Variants in CTNNA2 observed in about 807,000 individuals in gnomAD.
CTNNA2 encodes catenin alpha 2, also known as catenin alpha-2.
In CTNNA2, 42 loss-of-function variants were observed where a neutral mutation model predicts 101.0. The ratio of observed to expected loss-of-function variants is 0.42; its 90% confidence interval spans 0.32 to 0.54. CTNNA2 has a LOEUF of 0.54. Among genes scored for constraint, CTNNA2 ranks in the 20% least tolerant of loss-of-function variants. The pLI, the probability that CTNNA2 is intolerant of heterozygous loss-of-function variation, is 0.14. For missense variants in CTNNA2, 871 were observed against 1,223.1 expected, an observed-to-expected ratio of 0.71 and a Z score of 4.29; for synonymous variants, 450 against 456.4, an observed-to-expected ratio of 0.99 and a Z score of 0.18.
intron 2 of CTNNA2, among the ~76,000 whole-genome samples, chr2:79,280,953 A>G (rs1675362174): frequency 6.6e-6 from 1 of 151,936 alleles, no homozygotes; most frequent in Non-Finnish European, 1.5e-5. Context: ...TGCACTCTAC[A>G]TCTCCCCTGC....
intron 3 of CTNNA2, among the ~76,000 whole-genome samples, chr2:79,757,957 G>A (rs571018222): frequency 1.3e-5 from 2 of 152,252 alleles, no homozygotes; most frequent in Admixed American, 6.5e-5. Context: ...TATTGCTAAC[G>A]TCATTGTTAT....
chr2:79,702,656 A>T (rs1685089831), intron 2 of CTNNA2, among the ~76,000 whole-genome samples: 1 of 152,190 alleles, frequency 6.6e-6, no homozygotes, highest in East Asian at 1.9e-4. Context: ...ATTTTCTTGT[A>T]CTAGGTTCCT....
At chr2:79,602,924 G>A (rs1221395873) in intron 1 of CTNNA2, among the ~76,000 whole-genome samples, 1 of 152,112 alleles carries the variant, frequency 6.6e-6, no homozygotes. Context: ...AGTAAAAAGA[G>A]GAACAGATTT....
chr2:80,322,817 T>A (rs1678846141), intron 7 of CTNNA2, among the ~76,000 whole-genome samples: 1 of 152,162 alleles, frequency 6.6e-6, no homozygotes, highest in South Asian at 2.1e-4. Flanking sequence ...AACCAGGGGC[T>A]GCCTCGGCAT....
At chr2:79,739,436 A>G (rs1671125558) in intron 2 of CTNNA2, among the ~76,000 whole-genome samples, 1 of 152,134 alleles carries the variant, frequency 6.6e-6, no homozygotes, top group Non-Finnish European at 1.5e-5. Flanking sequence ...CATAGGGCCC[A>G]TGTTCTAGTA....
At chr2:79,871,821 C>A (rs776383856) in intron 5 of CTNNA2, among the ~76,000 whole-genome samples, 26 of 152,162 alleles carry the variant, frequency 1.7e-4, no homozygotes, top group Admixed American at 5.2e-4. Flanking sequence ...AGAAGTGTTG[C>A]CTGGAGATGG....
At chr2:79,382,309 G>C (rs1426379807) in intron 4 of CTNNA2, among the ~76,000 whole-genome samples, 2 of 151,980 alleles carry the variant, frequency 1.3e-5, no homozygotes, top group Non-Finnish European at 2.9e-5. Flanking sequence ...TTAGCTTGTA[G>C]ACATTAGATC....
At chr2:79,795,624 A>G (rs1031207218) in intron 3 of CTNNA2, among the ~76,000 whole-genome samples, 10 of 152,174 alleles carry the variant, frequency 6.6e-5, no homozygotes, top group African/African-American at 2.4e-4. Context: ...GGACTGTATC[A>G]TGTTTTATAC....
intron 1 of CTNNA2, among the ~76,000 whole-genome samples, chr2:79,528,502 T>C (rs1402134634): frequency 1.3e-5 from 2 of 152,130 alleles, no homozygotes; most frequent in African/African-American, 4.8e-5. Context: ...ATACTGTTTG[T>C]GCATATACTA....
intron 2 of CTNNA2, among the ~76,000 whole-genome samples, chr2:79,276,144 T>G (rs1359623866): frequency 6.6e-6 from 1 of 152,018 alleles, no homozygotes; most frequent in Non-Finnish European, 1.5e-5. Flanking sequence ...AGAAAGAAGG[T>G]CACAGAAGTA....
intron 14 of CTNNA2, among the ~76,000 whole-genome samples, chr2:80,583,552 T>C (rs1232785568): frequency 6.6e-6 from 1 of 152,162 alleles, no homozygotes; most frequent in Non-Finnish European, 1.5e-5. Flanking sequence ...CATGAAGCAA[T>C]TCAAAGTCAA....
intron 15 of CTNNA2, among the ~76,000 whole-genome samples, chr2:80,602,556 T>G (rs1357859320): frequency 1.3e-5 from 2 of 152,102 alleles, no homozygotes; most frequent in Non-Finnish European, 2.9e-5. Context: ...GTCTAGAAGT[T>G]ACAAAGAAAT....
chr2:80,300,580 C>G (rs1676192772), intron 7 of CTNNA2, among the ~76,000 whole-genome samples: 1 of 151,794 alleles, frequency 6.6e-6, no homozygotes, highest in Admixed American at 6.6e-5. Context: ...GTGTGTGGTT[C>G]CCCATCCCCC....
chr2:79,509,110 A>C (rs560498033), upstream of CTNNA2, among the ~76,000 whole-genome samples: 1 of 151,522 alleles, frequency 6.6e-6, no homozygotes, highest in South Asian at 2.1e-4. Context: ...AAAACAAGTT[A>C]TTTTAATTTT....
At chr2:79,732,340 T>C (rs923640792) in intron 2 of CTNNA2, among the ~76,000 whole-genome samples, 4 of 151,982 alleles carry the variant, frequency 2.6e-5, no homozygotes, top group Non-Finnish European at 5.9e-5. Context: ...CGATTTAAAA[T>C]TTTTTCATAT....
At chr2:79,987,918 A>G (rs1691878713) in intron 7 of CTNNA2, among the ~76,000 whole-genome samples, 1 of 152,260 alleles carries the variant, frequency 6.6e-6, no homozygotes, top group Non-Finnish European at 1.5e-5. Flanking sequence ...CCTAAAATAT[A>G]TCACGGTCTG....
chr2:80,449,685 C>A (rs76779226), intron 9 of CTNNA2, among the ~76,000 whole-genome samples: 8,074 of 152,160 alleles, frequency 0.053, 291 homozygotes, highest in Non-Finnish European at 0.083. Context: ...ATCCAGTGAT[C>A]AATAAGGATG....
intron 7 of CTNNA2, among the ~76,000 whole-genome samples, chr2:80,194,602 C>A (rs367759879): frequency 1.3e-5 from 2 of 151,256 alleles, no homozygotes; most frequent in East Asian, 3.9e-4. Context: ...AGCTTAAAAC[C>A]AGACCCAGGC....
chr2:80,252,961 A>G (rs1388741236), intron 7 of CTNNA2, among the ~76,000 whole-genome samples: 5 of 152,126 alleles, frequency 3.3e-5, no homozygotes, highest in African/African-American at 1.2e-4. Context: ...TGCAACAAAG[A>G]AACCCTGGCT....
Sources: allele counts gnomAD v4.1 joint callset (sites outside exome capture counted in the v4.1 genomes callset), GRCh38; gene constraint gnomAD v4.1.1; transcripts MANE v1.5; gene names NCBI Gene and HGNC (gene_info 2026-07-23, HGNC 2026-07-21).